The following KCND2 variants were observed in gnomAD, a reference collection of about 807,000 sequenced individuals.
KCND2 encodes potassium voltage-gated channel subfamily D member 2.
In KCND2, 16 loss-of-function variants were observed where a neutral mutation model predicts 54.4. That is an observed-to-expected ratio of 0.29 (90% CI 0.20 to 0.45). KCND2 has a LOEUF of 0.45. Among genes scored for constraint, KCND2 ranks in the 20% least tolerant of loss-of-function variants. The pLI, the probability that KCND2 is intolerant of heterozygous loss-of-function variation, is 1.00. For missense variants in KCND2, 486 were observed against 824.2 expected, an observed-to-expected ratio of 0.59 and a Z score of 5.02; for synonymous variants, 317 against 310.7, an observed-to-expected ratio of 1.02 and a Z score of -0.21.
chr7:120,663,372 G>GT (rs1443791800), intron 1 of KCND2, among the ~76,000 whole-genome samples: 1 of 152,038 alleles, frequency 6.6e-6, no homozygotes, highest in Non-Finnish European at 1.5e-5. Flanking sequence ...ACCTGCTTTA[G>GT]TTTTTTGAAA....
At chr7:120,600,659 C>A (rs2116472140) in intron 1 of KCND2, among the ~76,000 whole-genome samples, 1 of 152,148 alleles carries the variant, frequency 6.6e-6, no homozygotes, top group African/African-American at 2.4e-5. Flanking sequence ...GGATGAGCAT[C>A]ATTGCTCATA....
intron 1 of KCND2, among the ~76,000 whole-genome samples, chr7:120,356,866 CTCTTG>C (rs2116393741): frequency 6.6e-6 from 1 of 152,222 alleles, no homozygotes; most frequent in South Asian, 2.1e-4. Context: ...GTCTTTCTCT[CTCTTG>C]TCTTATTATT....
intron 1 of KCND2, among the ~76,000 whole-genome samples, chr7:120,699,651 A>C (rs1432508221): frequency 1.3e-5 from 2 of 152,210 alleles, no homozygotes; most frequent in Non-Finnish European, 2.9e-5. Flanking sequence ...GGATGAATGA[A>C]TTTTCCATAG....
At chr7:120,666,986 G>C (rs945574032) in intron 1 of KCND2, among the ~76,000 whole-genome samples, 1 of 151,910 alleles carries the variant, frequency 6.6e-6, no homozygotes, top group African/African-American at 2.4e-5. Context: ...AGGGTAAGAG[G>C]AGAGGGAGAG....
chr7:120,389,807 A>G (rs1801045788), intron 1 of KCND2, among the ~76,000 whole-genome samples: 1 of 151,940 alleles, frequency 6.6e-6, no homozygotes, highest in South Asian at 2.1e-4. Context: ...TATAGAAACA[A>G]CTAAAGTGTA....
In KCND2 at chr7:120,422,346, T is replaced by C. The variant is rs528792273; in HGVS notation, c.1115+146599T>C. 5.3e-5 allele frequency among the ~76,000 whole-genome samples: 8 copies of C among 152,334 alleles called. 1 individual carries two copies. The South Asian group carries it at 1.7e-3, about 32-fold the overall frequency. On this transcript the variant is annotated intron_variant, in intron 1 of 5. Transcript: ENST00000331113. ...TAAAATTCCAAATCCAACTTTGAGC[T>C]GTTTTTTCCTTTTCTTCTTCCTTCA...
chr7:120,532,145 G>A (rs1408386350), intron 1 of KCND2, among the ~76,000 whole-genome samples: 1 of 151,968 alleles, frequency 6.6e-6, no homozygotes, highest in Admixed American at 6.6e-5. Context: ...TAATTCTAAT[G>A]TCAATCATAT....
intron 1 of KCND2, among the ~76,000 whole-genome samples, chr7:120,570,761 A>C (rs1792356077): frequency 6.6e-6 from 1 of 152,168 alleles, no homozygotes; most frequent in Non-Finnish European, 1.5e-5. Flanking sequence ...TGTCACCTTC[A>C]TCTTCAGATT....
intron 1 of KCND2, among the ~76,000 whole-genome samples, chr7:120,433,667 A>G (rs1241747329): frequency 6.6e-6 from 1 of 152,224 alleles, no homozygotes; most frequent in Non-Finnish European, 1.5e-5. Context: ...GATATTTCCT[A>G]TCAAAAGAAA....
chr7:120,326,917 CTG>C (rs1182705832), intron 1 of KCND2, among the ~76,000 whole-genome samples: 5 of 152,158 alleles, frequency 3.3e-5, no homozygotes, highest in African/African-American at 1.2e-4. Context: ...CAAATGTGAT[CTG>C]TTGCCTTCAT....
intron 1 of KCND2, among the ~76,000 whole-genome samples, chr7:120,413,964 A>C (rs1801487955): frequency 6.8e-6 from 1 of 147,960 alleles, no homozygotes; most frequent in Non-Finnish European, 1.5e-5. Context: ...TTTTTTTTTC[A>C]GAACATGTAC....
rs1228144033 is a variant in KCND2 at position 120,275,653 on chromosome 7, G to T, written c.1021G>T (p.Val341Phe). 1.9e-6 allele frequency: 3 copies of T among 1,606,346 alleles called. No individual in the cohort carries two copies. The highest frequency in any genetic ancestry group is 1.3e-5 in the African/African-American group (1 of 74,870). Residue 341 changes from valine (V) to phenylalanine (F), a missense_variant, in exon 1 of 6, where the codon GTT becomes TTT. Transcript: ENST00000331113. ...LTMAIIIFAT[V>F]MFYAEKGSSA... is the part of the protein sequence containing the mutation. Reference sequence around the variant, plus strand: ...CATGGCTATCATCATCTTCGCTACAGTTATGTTCTACGCAGAGAAGGGGTC... The same window carrying T: ...CATGGCTATCATCATCTTCGCTACATTTATGTTCTACGCAGAGAAGGGGTC...
intron 1 of KCND2, among the ~76,000 whole-genome samples, chr7:120,472,593 G>T (rs1159379118): frequency 1.3e-5 from 2 of 151,304 alleles, no homozygotes; most frequent in Non-Finnish European, 1.5e-5. Flanking sequence ...ACAGTTTTTT[G>T]TTTGTTTGCT....
At chr7:120,406,852 A>AT (rs202226764) in intron 1 of KCND2, among the ~76,000 whole-genome samples, 1,767 of 152,140 alleles carry the variant, frequency 0.012, 19 homozygotes, top group African/African-American at 0.038. Flanking sequence ...TGTATAGAGT[A>AT]GAAAAACTAG....
intron 1 of KCND2, among the ~76,000 whole-genome samples, chr7:120,388,687 G>A (rs144997817): frequency 3.3e-5 from 5 of 151,992 alleles, no homozygotes; most frequent in East Asian, 3.9e-4. Flanking sequence ...AACTAGAACC[G>A]AGCTCCCCAT....
chr7:120,600,997 G>A (rs1483282322), intron 1 of KCND2, among the ~76,000 whole-genome samples: 1 of 151,722 alleles, frequency 6.6e-6, no homozygotes, highest in Non-Finnish European at 1.5e-5. Context: ...ATTTTCCTTA[G>A]GATTCACTCT....
At chr7:120,733,583 A>T (rs868555797) in intron 2 of KCND2, among the ~76,000 whole-genome samples, 15 of 152,150 alleles carry the variant, frequency 9.9e-5, no homozygotes, top group Admixed American at 2.6e-4. Flanking sequence ...TCAGATTTCT[A>T]GATCTGATTC....
chr7:120,688,395 C>T (rs1374384208), intron 1 of KCND2, among the ~76,000 whole-genome samples: 5 of 152,154 alleles, frequency 3.3e-5, no homozygotes, highest in Non-Finnish European at 4.4e-5. Context: ...ATTTGGATTT[C>T]ATGCCATTTT....
chr7:120,384,998 C>CTT (rs372225817), intron 1 of KCND2, among the ~76,000 whole-genome samples: 3,250 of 82,454 alleles, frequency 0.039, 512 homozygotes, highest in Middle Eastern at 0.065. Context: ...TTGTATATAA[C>CTT]TTTTTTTTTT....
Sources: allele counts gnomAD v4.1 joint callset (sites outside exome capture counted in the v4.1 genomes callset), GRCh38; gene constraint gnomAD v4.1.1; transcripts MANE v1.5; gene names NCBI Gene and HGNC (gene_info 2026-07-23, HGNC 2026-07-21).